Variants in MOSPD1 observed in about 807,000 individuals in gnomAD.
MOSPD1 encodes motile sperm domain-containing protein 1.
In MOSPD1, 5 loss-of-function variants were observed where a neutral mutation model predicts 16.7. The observed-to-expected ratio is 0.30, with a 90% CI of 0.16 to 0.63. The LOEUF is 0.63. Ranked by LOEUF, MOSPD1 falls within the 30% of genes least tolerant of loss-of-function variation. MOSPD1 has a pLI of 0.82. For synonymous variants in MOSPD1, 67 were observed against 59.2 expected, an observed-to-expected ratio of 1.13 and a Z score of -0.61; for missense variants, 104 against 153.6, an observed-to-expected ratio of 0.68 and a Z score of 1.71.
Position 134,888,584 on chromosome X carries a change from A to T in MOSPD1, c.*577T>A, listed in dbSNP as rs956080086. On this transcript the variant is annotated 3_prime_UTR_variant, in exon 6 of 6. Transcript: ENST00000370783. ...AACCTGTTCTGTAATTCACAAGATT[A>T]ATTAAATATGTCCTCTCTTCTGTGA... 2 of 111,786 alleles carry T rather than the reference A, an allele frequency of 1.8e-5. No individual in the cohort carries two copies. The highest frequency in any genetic ancestry group is 3.3e-5 in the African/African-American group (1 of 30,646). The allele number at this position is 111,786 out of a possible 1,213,427, so 9.2% of individuals were successfully genotyped here. A position where few individuals can be genotyped will look rare whatever the true frequency, so the allele number is the denominator to read the frequency against.
At chrX:134,914,221 A>G (rs138650376) in intron 1 of MOSPD1, among the ~76,000 whole-genome samples, 1 of 112,071 alleles carries the variant, frequency 8.9e-6, no homozygotes, top group East Asian at 2.8e-4. Context: ...TCAAAGGTCA[A>G]TTTTCACTTA....
chrX:134,903,900 T>C (rs1006375917), intron 1 of MOSPD1, among the ~76,000 whole-genome samples: 9 of 109,765 alleles, frequency 8.2e-5, no homozygotes, highest in Admixed American at 3.9e-4. Context: ...TAGCCAGGCA[T>C]AGTGGCGTGC....
Position 134,899,293 on chromosome X carries a change from G to C in MOSPD1, c.141C>G (p.Ala47=). 8.5e-7 allele frequency: 1 copy of C among 1,179,890 alleles called. No individual in the cohort carries two copies. Among genetic ancestry groups the C allele is most frequent in the Non-Finnish European group, 1.1e-6 (1 of 883,793 alleles). The change falls in exon 2 of 6, where the codon GCC becomes GCG. Residue 47 remains alanine, a synonymous_variant. Transcript: ENST00000370783. ...VLTLYNPYEF[A]LKFKVLCTTP... ...TAGGAGACTCACCTTTGAACTTTAA[G>C]GCAAACTCATAGGGATTGTACAGTG...
At chrX:134,895,593 C>G (rs758772347) in intron 4 of MOSPD1, among the ~76,000 whole-genome samples, 2 of 111,166 alleles carry the variant, frequency 1.8e-5, no homozygotes, top group Non-Finnish European at 3.8e-5. Context: ...CTTCTTTGTA[C>G]TAGAGGAAGT....
Position 134,888,413 on chromosome X carries a change from A to T in MOSPD1, c.*748T>A, listed in dbSNP as rs1015484856. On this transcript the variant is annotated 3_prime_UTR_variant, in exon 6 of 6. Transcript: ENST00000370783. ...TTTTTCCTTCCTATTAACACAAAGCATTAACCAGAGGTAAAGCCAGGGTGA... is the reference window on the plus strand; with the variant it reads ...TTTTTCCTTCCTATTAACACAAAGCTTTAACCAGAGGTAAAGCCAGGGTGA... 11 of 111,728 alleles carry T rather than the reference A, an allele frequency of 9.8e-5. No homozygotes were observed. The highest frequency in any genetic ancestry group is 3.6e-4 in the African/African-American group (11 of 30,645). 9.2% of individuals were successfully genotyped at this position (111,728 alleles called of 1,213,427 possible). A position where few individuals can be genotyped will look rare whatever the true frequency, so the allele number is the denominator to read the frequency against.
intron 1 of MOSPD1, among the ~76,000 whole-genome samples, chrX:134,908,846 G>T (rs748804633): frequency 1.5e-3 from 169 of 112,190 alleles, no homozygotes; most frequent in Middle Eastern, 4.2e-3. Flanking sequence ...GGAATGAAAA[G>T]ATAAGACTTT....
chrX:134,909,103 T>C, intron 1 of MOSPD1, among the ~76,000 whole-genome samples: 1 of 106,297 alleles, frequency 9.4e-6, no homozygotes, highest in East Asian at 2.9e-4. Context: ...CCGTCTCTAC[T>C]AAAAATACAA....
chrX:134,901,679 G>C (rs1040570585), intron 1 of MOSPD1, among the ~76,000 whole-genome samples: 1 of 111,059 alleles, frequency 9.0e-6, no homozygotes, highest in Admixed American at 9.6e-5. Flanking sequence ...GTTGATATTT[G>C]AGGTGGTCTT....
intron 1 of MOSPD1, among the ~76,000 whole-genome samples, chrX:134,913,899 C>A (rs2082985304): frequency 9.0e-6 from 1 of 111,590 alleles, no homozygotes; most frequent in African/African-American, 3.3e-5. Context: ...ACACATTTGG[C>A]CGTTTCCTGT....
Position 134,915,228 on chromosome X carries a change from G to A in MOSPD1, c.-148C>T, listed in dbSNP as rs1330322759. 2 of 111,891 alleles carry A rather than the reference G, an allele frequency of 1.8e-5. No individual in the cohort carries two copies. Among genetic ancestry groups the A allele is most frequent in the African/African-American group, 6.5e-5 (2 of 30,840 alleles). The allele number at this position is 111,891 out of a possible 1,213,427, so 9.2% of individuals were successfully genotyped here. A position where few individuals can be genotyped will look rare whatever the true frequency, so the allele number is the denominator to read the frequency against. On this transcript the variant is annotated 5_prime_UTR_variant, in exon 1 of 6. Transcript: ENST00000370783. ...GGAAAGCAGCTGCGACTGCTCCTCCGCTCCTTTGTCAGCGTCTCTAGGCTG... is the reference window on the plus strand; with the variant it reads ...GGAAAGCAGCTGCGACTGCTCCTCCACTCCTTTGTCAGCGTCTCTAGGCTG...
intron 5 of MOSPD1, among the ~76,000 whole-genome samples, chrX:134,890,929 C>G (rs771744810): frequency 8.9e-6 from 1 of 111,747 alleles, no homozygotes; most frequent in African/African-American, 3.3e-5. Flanking sequence ...CACTAATCCT[C>G]GACACATGGA....
intron 1 of MOSPD1, 32 bp from the exon 2 acceptor site, chrX:134,899,566 G>T: frequency 1.6e-6 from 1 of 620,556 alleles, no homozygotes; most frequent in Non-Finnish European, 2.4e-6. Context: ...GAGAAGAAAA[G>T]TGAATGATCC....
chrX:134,897,158 AATTTGCTAAG>A, intron 3 of MOSPD1, 124 bp from the exon 4 acceptor site: 1 of 459,093 alleles, frequency 2.2e-6, no homozygotes, highest in African/African-American at 2.4e-5. Context: ...CAAAAACAGA[AATTTGCTAAG>A]ATGTTAAAAA....
intron 1 of MOSPD1, among the ~76,000 whole-genome samples, chrX:134,908,752 G>T (rs1159192548): frequency 8.9e-6 from 1 of 112,101 alleles, no homozygotes; most frequent in South Asian, 3.7e-4. Flanking sequence ...ATTCACACAT[G>T]CCTGCCACTA....
At chrX:134,900,598 T>G (rs1397221264) in intron 1 of MOSPD1, among the ~76,000 whole-genome samples, 5 of 112,014 alleles carry the variant, frequency 4.5e-5, no homozygotes, top group African/African-American at 1.6e-4. Context: ...TTTTTTGGAT[T>G]CCCTCTGGGT....
chrX:134,892,646 C>T (rs2082867631), intron 4 of MOSPD1, among the ~76,000 whole-genome samples: 1 of 112,346 alleles, frequency 8.9e-6, no homozygotes, highest in Admixed American at 9.4e-5. Flanking sequence ...GTAATCCTAG[C>T]ACTTTGGGAG....
At chrX:134,914,466 A>T (rs1484900944) in intron 1 of MOSPD1, among the ~76,000 whole-genome samples, 1 of 111,320 alleles carries the variant, frequency 9.0e-6, no homozygotes, top group African/African-American at 3.3e-5. Flanking sequence ...CGGCCGCTCC[A>T]TGTGAAACCG....
At chrX:134,904,025 C>T (rs1031453382) in intron 1 of MOSPD1, among the ~76,000 whole-genome samples, 5 of 111,724 alleles carry the variant, frequency 4.5e-5, no homozygotes, top group Non-Finnish European at 9.4e-5. Flanking sequence ...CAACAGAGCA[C>T]GAATCTGTCT....
At chrX:134,892,749 G>A (rs949681474) in intron 4 of MOSPD1, among the ~76,000 whole-genome samples, 52 of 110,744 alleles carry the variant, frequency 4.7e-4, no homozygotes, top group African/African-American at 1.3e-3. Context: ...AAAATTAGCC[G>A]GGTGTGGTGG....
Sources: allele counts gnomAD v4.1 joint callset (sites outside exome capture counted in the v4.1 genomes callset), GRCh38; gene constraint gnomAD v4.1.1; transcripts MANE v1.5; gene names NCBI Gene and HGNC (gene_info 2026-07-23, HGNC 2026-07-21).